MYCBP2: variants seen among roughly 807,000 people sequenced by gnomAD.
The protein encoded by MYCBP2 is MYC binding protein 2, also known as E3 ubiquitin-protein ligase MYCBP2.
A neutral mutation model predicts 525.3 loss-of-function variants in MYCBP2; 120 were observed. That is an observed-to-expected ratio of 0.23 (90% CI 0.20 to 0.27). MYCBP2 has a LOEUF of 0.27. Among genes scored for constraint, MYCBP2 ranks in the 10% least tolerant of loss-of-function variants. The pLI, the probability that MYCBP2 is intolerant of heterozygous loss-of-function variation, is 1.00. For missense variants in MYCBP2, 4,149 were observed against 5,657.1 expected (o/e 0.73, Z 8.55); for synonymous variants, 1,894 against 1,955.8 (o/e 0.97, Z 0.83).
chr13:77,281,667 A>G (rs1278593009), intron 3 of MYCBP2, among the ~76,000 whole-genome samples: 1 of 152,200 alleles, frequency 6.6e-6, no homozygotes, highest in Admixed American at 6.5e-5. Context: ...CTAATATGCT[A>G]GGAAAGTGAG....
intron 68 of MYCBP2, among the ~76,000 whole-genome samples, chr13:77,073,762 TA>T (rs981048060): frequency 6.6e-6 from 1 of 152,052 alleles, no homozygotes; most frequent in Non-Finnish European, 1.5e-5. Flanking sequence ...GAAAGTGAAA[TA>T]AAAAATACCA....
At chr13:77,263,500 T>C in intron 10 of MYCBP2, 151 bp downstream of exon 10, 1 of 567,038 alleles carries the variant, frequency 1.8e-6, no homozygotes, top group Non-Finnish European at 2.9e-6. Flanking sequence ...TTTATTCATA[T>C]TAATTCAAAA....
Position 77,233,326 on chromosome 13 carries a change from A to G in MYCBP2, c.2630-63T>C, listed in dbSNP as rs2067391524. The G allele has an allele frequency of 3.3e-6, 4 of 1,223,058 alleles. No individual in the cohort carries two copies. In the Admixed American group the frequency reaches 7.6e-5, roughly 23 times the overall value. The allele number at this position is 1,223,058 out of a possible 1,614,324, so 75.8% of individuals were successfully genotyped here. A position where few individuals can be genotyped will look rare whatever the true frequency, so the allele number is the denominator to read the frequency against. ...ACAAAATGAAAACACTATAATGAACAAAAAATAATTCAAACTAAAAAGCAT... is the reference window on the plus strand; with the variant it reads ...ACAAAATGAAAACACTATAATGAACGAAAAATAATTCAAACTAAAAAGCAT... On this transcript the variant is annotated intron_variant, in intron 17 of 82. Transcript: ENST00000544440.
chr13:77,261,995 G>A lies in MYCBP2; in HGVS notation c.1647+58C>T, dbSNP rs1323752323. 3.0e-6 allele frequency: 4 copies of A among 1,317,486 alleles called. No homozygotes were observed. In the South Asian group the frequency reaches 3.8e-5, roughly 12 times the overall value. 81.6% of individuals were successfully genotyped at this position (1,317,486 alleles called of 1,614,324 possible). On this transcript the variant is annotated intron_variant, in intron 11 of 82. Transcript: ENST00000544440. ...AACTATATAAACTAATCAACAGATTGTATTTTAATCTCTTAAATCAGAGAA... is the reference window on the plus strand; with the variant it reads ...AACTATATAAACTAATCAACAGATTATATTTTAATCTCTTAAATCAGAGAA...
chr13:77,248,142 C>A (rs371080820), intron 15 of MYCBP2, among the ~76,000 whole-genome samples: 24 of 141,508 alleles, frequency 1.7e-4, no homozygotes, highest in South Asian at 2.2e-4. Flanking sequence ...AAAGTATAAT[C>A]AAAAAAAAAA....
chr13:77,233,324 A>G, intron 17 of MYCBP2, 61 bp from the exon 18 acceptor site: 2 of 1,227,202 alleles, frequency 1.6e-6, no homozygotes, highest in South Asian at 1.3e-5. Flanking sequence ...ACTATAATGA[A>G]CAAAAAATAA....
At chr13:77,071,264 T>TACACAC (rs2041190715) in intron 68 of MYCBP2, among the ~76,000 whole-genome samples, 1 of 101,418 alleles carries the variant, frequency 9.9e-6, no homozygotes, top group African/African-American at 3.3e-5. Context: ...TGCACGTGTG[T>TACACAC]GCACACGCAC....
chr13:77,305,624 A>G (rs759569586), intron 1 of MYCBP2, among the ~76,000 whole-genome samples: 33 of 152,102 alleles, frequency 2.2e-4, no homozygotes, highest in Admixed American at 2.6e-4. Context: ...CTGGAAACCA[A>G]TAAGTTGTAT....
Position 77,271,388 on chromosome 13 carries a change from T to C in MYCBP2, c.946-850A>G, listed in dbSNP as rs1051358268. Among the ~76,000 whole-genome samples, 4 of 152,218 alleles carry C rather than the reference T, an allele frequency of 2.6e-5. No homozygotes were observed. In the South Asian group the frequency reaches 8.3e-4, roughly 32 times the overall value. On this transcript the variant is annotated intron_variant, in intron 5 of 82. Transcript: ENST00000544440. The stretch of plus-strand genomic sequence containing the variant: ...CAGCATCTTGCAGTACTACCATGTC[T>C]ACCCTGCTTTAAACTCTCTGTTAAG...
chr13:77,107,888 A>T (rs1190426430), intron 55 of MYCBP2, among the ~76,000 whole-genome samples: 1 of 152,174 alleles, frequency 6.6e-6, no homozygotes, highest in African/African-American at 2.4e-5. Flanking sequence ...TCTTTGTAGT[A>T]AACTTAGGAG....
rs1344653588 is a variant in MYCBP2, at chr13:77,205,391, A to G, written c.3716-8T>C. 1 of 1,612,256 alleles carries G rather than the reference A, an allele frequency of 6.2e-7. No homozygotes were observed. The highest frequency in any genetic ancestry group is 2.2e-5 in the East Asian group (1 of 44,854). ...CCCAGCCTCCTCCATGACCTAGAAT[A>G]TATAAATCATAATCTATGTTTTAAA... On this transcript the variant is annotated splice_polypyrimidine_tract_variant and splice_region_variant and intron_variant, in intron 25 of 82. Coordinates refer to ENST00000544440, the MANE Select transcript of MYCBP2 (RefSeq NM_015057.5).
chr13:77,250,222 C>A (rs1167435328), intron 15 of MYCBP2, among the ~76,000 whole-genome samples: 797 of 124,558 alleles, frequency 6.4e-3, no homozygotes, highest in Middle Eastern at 0.026. Flanking sequence ...GACTCCGTCT[C>A]AAAAAAAAAA....
In MYCBP2 at chr13:77,175,124, G is replaced by T. The variant is rs913420668; in HGVS notation, c.5473-635C>A. Among the ~76,000 whole-genome samples, 5 of 149,158 alleles carry T rather than the reference G, an allele frequency of 3.4e-5. No homozygotes were observed. The Admixed American group carries it at 3.4e-4, about 10-fold the overall frequency. On this transcript the variant is annotated intron_variant, in intron 36 of 82. Transcript: ENST00000544440. ...TTTAGGGTGTTTCTGTAGAGATAAG[G>T]TCTGACTATATTGCCCAGCCTAGCC... is the stretch of plus-strand genomic sequence containing the variant.
chr13:77,107,472 C>G (rs2048020249), intron 55 of MYCBP2, among the ~76,000 whole-genome samples: 1 of 152,138 alleles, frequency 6.6e-6, no homozygotes, highest in South Asian at 2.1e-4. Flanking sequence ...CACAGTGGCT[C>G]AAGTCCGTTA....
chr13:77,243,035 T>C (rs553335683), intron 17 of MYCBP2, 24 bp downstream of exon 17: 1 of 1,603,894 alleles, frequency 6.2e-7, no homozygotes, highest in Admixed American at 1.7e-5. Flanking sequence ...TTTCATGTAC[T>C]TTTTCTCTGT....
intron 21 of MYCBP2, among the ~76,000 whole-genome samples, chr13:77,212,949 T>C (rs2064237501): frequency 6.6e-6 from 1 of 152,162 alleles, no homozygotes; most frequent in Non-Finnish European, 1.5e-5. Flanking sequence ...CAAGGGAGCC[T>C]GGAGCACTGC....
At position 77,225,415 on chromosome 13, in the gene MYCBP2, C is replaced by T. The variant is rs369591612; in HGVS notation, c.2857+20G>A. 6.2e-7 allele frequency: 1 copy of T among 1,612,634 alleles called. No individual in the cohort carries two copies. Among genetic ancestry groups the T allele is most frequent in the Admixed American group, 1.7e-5 (1 of 59,868 alleles). ...CACAATTGTAAAAACGCAGTTATAC[C>T]CTAAAGTTCCAGCCGCTACCTGAAT... is the stretch of plus-strand genomic sequence containing the variant. On this transcript the variant is annotated intron_variant, in intron 19 of 82. Coordinates refer to ENST00000544440, the MANE Select transcript of MYCBP2 (RefSeq NM_015057.5).
At chr13:77,226,011 G>A (rs574004258) in intron 18 of MYCBP2, among the ~76,000 whole-genome samples, 1 of 152,274 alleles carries the variant, frequency 6.6e-6, no homozygotes, top group South Asian at 2.1e-4. Flanking sequence ...TTCCTAAATA[G>A]ATCTTAGAAA....
intron 24 of MYCBP2, among the ~76,000 whole-genome samples, chr13:77,206,282 G>T (rs539147220): frequency 3.3e-5 from 5 of 150,742 alleles, no homozygotes; most frequent in African/African-American, 1.2e-4. Flanking sequence ...AGAAACAGAA[G>T]ATGTATATAA....
Sources: gnomAD v4.1 joint callset for allele counts (sites outside exome capture counted in the v4.1 genomes callset) on GRCh38, gnomAD v4.1.1 for gene constraint, MANE v1.5 for transcripts, NCBI Gene and HGNC (gene_info 2026-07-23, HGNC 2026-07-21) for gene names.